INPP5D: variants seen among roughly 807,000 people sequenced by gnomAD.
The protein encoded by INPP5D is inositol polyphosphate-5-phosphatase D.
A neutral mutation model predicts 122.9 loss-of-function variants in INPP5D; 33 were observed. The ratio of observed to expected loss-of-function variants is 0.27; its 90% CI spans 0.20 to 0.36. The LOEUF (loss-of-function observed/expected upper bound fraction) is 0.36. INPP5D is among the 10% of genes least tolerant of loss of function. The pLI, the probability that INPP5D is intolerant of heterozygous loss-of-function variation, is 1.00. For synonymous variants in INPP5D, 584 were observed against 576.2 expected, an observed-to-expected ratio of 1.01 and a Z score of -0.19; for missense variants, 1,053 against 1,412.7, an observed-to-expected ratio of 0.75 and a Z score of 4.08.
chr2:233,150,436 C>T (rs898937777), intron 9 of INPP5D, among the ~76,000 whole-genome samples: 4 of 152,172 alleles, frequency 2.6e-5, no homozygotes, highest in Non-Finnish European at 5.9e-5. Flanking sequence ...AAACTCTTTC[C>T]TTTATAAATT....
At chr2:233,145,882 T>C in intron 6 of INPP5D, 1 of 606,176 alleles carries the variant, frequency 1.6e-6, no homozygotes, top group Non-Finnish European at 3.1e-6. Flanking sequence ...AGGACAGTCC[T>C]CGAGTTTTGT....
chr2:233,145,375 A>G, intron 6 of INPP5D: 1 of 455,638 alleles, frequency 2.2e-6, no homozygotes, highest in East Asian at 6.9e-5. Context: ...CCAGTGTTGC[A>G]GTACTGAACA....
At chr2:233,095,973 G>A (rs973916286) in intron 2 of INPP5D, among the ~76,000 whole-genome samples, 48 of 152,280 alleles carry the variant, frequency 3.2e-4, no homozygotes, top group African/African-American at 9.9e-4. Flanking sequence ...CAATCTGTCC[G>A]TGAGATGGAT....
In INPP5D at chr2:233,060,508, C is replaced by T. The variant is rs1691040154; in HGVS notation, c.30C>T (p.Ile10=). The T allele has an allele frequency of 6.2e-7, 1 of 1,612,614 alleles. No individual in the cohort carries two copies. Among genetic ancestry groups the T allele is most frequent in the Non-Finnish European group, 8.5e-7 (1 of 1,179,302 alleles). MVPCWNHGN[I]TRSKAEELLS... ...TCCCCTGCTGGAACCATGGCAACAT[C>T]ACCCGCTCCAAGGCGGAGGAGCTGC... The change falls in exon 1 of 27, where the codon ATC becomes ATT. Residue 10 remains isoleucine (I), a synonymous_variant. Transcript: ENST00000445964.
At position 233,195,520 on chromosome 2, in the gene INPP5D, TG is replaced by T. The variant is rs371979531; in HGVS notation, c.2693+33del. ...GGTAAAGTGGGCGTGGGGTGGGTGT[TG>T]GGGGGGGTGGATATCAGGGACTCAT... On this transcript the variant is annotated intron_variant, in intron 24 of 26. Coordinates refer to ENST00000445964, the MANE Select transcript of INPP5D (RefSeq NM_001017915.3). The T allele has an allele frequency of 9.6e-4, 1,422 of 1,477,646 alleles. 5 individuals are homozygous for T. In the East Asian group the frequency reaches 0.013, roughly 14 times the overall value. 91.5% of individuals were successfully genotyped at this position (1,477,646 alleles called of 1,614,324 possible).
intron 13 of INPP5D, among the ~76,000 whole-genome samples, chr2:233,166,778 A>G (rs1490452104): frequency 1.3e-5 from 2 of 152,214 alleles, no homozygotes; most frequent in Non-Finnish European, 2.9e-5. Flanking sequence ...TGAAGTCAGG[A>G]GTTCGAGACC....
chr2:233,185,619 A>G (rs1694891186), intron 20 of INPP5D, among the ~76,000 whole-genome samples: 1 of 151,412 alleles, frequency 6.6e-6, no homozygotes, highest in Admixed American at 6.6e-5. Flanking sequence ...TGATTTTCCT[A>G]AAAATAATTA....
Position 233,122,218 on chromosome 2 carries a change from G to A in INPP5D, c.310G>A (p.Glu104Lys). Reference sequence around the variant, plus strand: ...CCATCTGCAATACCCTGTGCCGCTGGAGGAAGAGGACACAGGCGACGACCC... The same window carrying A: ...CCATCTGCAATACCCTGTGCCGCTGAAGGAAGAGGACACAGGCGACGACCC... ...VTHLQYPVPL[E>K]EEDTGDDPEE... Residue 104 changes from glutamate (E) to lysine (K), a missense_variant, in exon 3 of 27, where the codon GAG (glutamate) becomes AAG (lysine). By Grantham distance (56) the Glu-to-Lys change is moderately conservative (BLOSUM62 1). Coordinates refer to ENST00000445964, the MANE Select transcript of INPP5D (RefSeq NM_001017915.3). 1 of 1,613,940 alleles carries A rather than the reference G, an allele frequency of 6.2e-7. No homozygotes were observed. Among genetic ancestry groups the A allele is most frequent in the Non-Finnish European group, 8.5e-7 (1 of 1,179,890 alleles).
chr2:233,117,337 C>T (rs946386263), intron 2 of INPP5D, among the ~76,000 whole-genome samples: 10 of 152,132 alleles, frequency 6.6e-5, no homozygotes, highest in East Asian at 1.9e-4. Flanking sequence ...TCTCCTTGGG[C>T]GCCTTTTCAC....
chr2:233,183,048 T>G lies in INPP5D; in HGVS notation c.2161+549T>G, dbSNP rs1346136918. 1.3e-5 allele frequency among the ~76,000 whole-genome samples: 2 copies of G among 152,204 alleles called. No homozygotes were observed. Among genetic ancestry groups the G allele is most frequent in the African/African-American group, 4.8e-5 (2 of 41,450 alleles). On this transcript the variant is annotated intron_variant, in intron 19 of 26. Coordinates refer to ENST00000445964, the MANE Select transcript of INPP5D (RefSeq NM_001017915.3). The surrounding 1 kb of genome is among the most constrained non-coding windows in gnomAD (Gnocchi z 4.6). Reference sequence around the variant, plus strand: ...ATCGTTAAGATGGGATGCAAATGACTGAGTTTTGGGAAACACCACAGTAAA... The same window carrying G: ...ATCGTTAAGATGGGATGCAAATGACGGAGTTTTGGGAAACACCACAGTAAA...
At chr2:233,069,940 C>T (rs1241290912) in intron 1 of INPP5D, among the ~76,000 whole-genome samples, 2 of 152,150 alleles carry the variant, frequency 1.3e-5, no homozygotes, top group African/African-American at 4.8e-5. Context: ...TCCATATATG[C>T]ACCAGTAAGC....
intron 2 of INPP5D, chr2:233,120,483 C>G (rs1344172189): frequency 6.6e-6 from 1 of 152,268 alleles, no homozygotes; most frequent in Non-Finnish European, 1.5e-5. Flanking sequence ...GACTCCATCT[C>G]AAATAAAATA....
At chr2:233,151,031 T>G (rs1003642367) in intron 9 of INPP5D, among the ~76,000 whole-genome samples, 1 of 152,154 alleles carries the variant, frequency 6.6e-6, no homozygotes, top group Non-Finnish European at 1.5e-5. Flanking sequence ...CACGCCATCC[T>G]AGGTGTGAAC....
chr2:233,082,180 G>A lies in INPP5D; in HGVS notation c.198+2782G>A, dbSNP rs1195723681. Reference sequence around the variant, plus strand: ...GTCTGAAGAGGTTTTCCTTCAAGGTGAATTAAAGGGGAATTCTCATAGGAT... The same window carrying A: ...GTCTGAAGAGGTTTTCCTTCAAGGTAAATTAAAGGGGAATTCTCATAGGAT... On this transcript the variant is annotated intron_variant, in intron 2 of 26. Transcript: ENST00000445964. This position sits in a 1 kb window ranked among gnomAD's most constrained non-coding sequence, Gnocchi z 4.7. Among the ~76,000 whole-genome samples, 1 of 152,094 alleles carries A rather than the reference G, an allele frequency of 6.6e-6. No homozygotes were observed. Among genetic ancestry groups the A allele is most frequent in the Admixed American group, 6.6e-5 (1 of 15,256 alleles).
rs759700714 is a variant in INPP5D at position 233,060,432 on chromosome 2, G to T, written c.-47G>T. The T allele has an allele frequency of 6.5e-7, 1 of 1,544,762 alleles. No individual in the cohort carries two copies. Among genetic ancestry groups the T allele is most frequent in the Non-Finnish European group, 8.8e-7 (1 of 1,140,916 alleles). ...CCTCCGCTCCCCTCGGTGGTGTGTGGGTCCTGGGGGTGCCTGCCGGCCCGG... is the reference window on the plus strand; with the variant it reads ...CCTCCGCTCCCCTCGGTGGTGTGTGTGTCCTGGGGGTGCCTGCCGGCCCGG... On this transcript the variant is annotated 5_prime_UTR_variant, in exon 1 of 27. Transcript: ENST00000445964.
chr2:233,179,606 C>A (rs549469068), intron 18 of INPP5D, among the ~76,000 whole-genome samples: 27 of 152,312 alleles, frequency 1.8e-4, no homozygotes, highest in African/African-American at 6.0e-4. Context: ...ACAAGCCTCA[C>A]CAGAGAGGCA....
chr2:233,092,029 A>G (rs1157078065), intron 2 of INPP5D, among the ~76,000 whole-genome samples: 1 of 152,218 alleles, frequency 6.6e-6, no homozygotes, highest in African/African-American at 2.4e-5. Context: ...GGAGACCCCC[A>G]AAGCTTTCCT....
intron 1 of INPP5D, among the ~76,000 whole-genome samples, chr2:233,072,023 C>G (rs1574702573): frequency 6.6e-6 from 1 of 152,244 alleles, no homozygotes; most frequent in South Asian, 2.1e-4. Flanking sequence ...ATTGCATGGG[C>G]CAGTATTTCT....
At chr2:233,111,873 C>A (rs13427156) in intron 2 of INPP5D, among the ~76,000 whole-genome samples, 22,959 of 151,962 alleles carry the variant, frequency 0.15, 2,056 homozygotes, top group African/African-American at 0.22. Context: ...CCAGCCTGGG[C>A]AACATGGCAA....
Sources: gnomAD v4.1 joint callset for allele counts (sites outside exome capture counted in the v4.1 genomes callset) on GRCh38, gnomAD v4.1.1 for gene constraint, Gnocchi (gnomAD v3.1) non-coding constraint, MANE v1.5 for transcripts, NCBI Gene and HGNC (gene_info 2026-07-23, HGNC 2026-07-21) for gene names.